The following DGKK variants were observed in gnomAD, a reference collection of about 807,000 sequenced individuals.
DGKK encodes 142 kDa diacylglycerol kinase.
A neutral mutation model predicts 92.2 loss-of-function variants in DGKK; 35 were observed. The ratio of observed to expected loss-of-function variants is 0.38; its 90% confidence interval spans 0.29 to 0.50. The LOEUF is 0.50. Ranked by LOEUF, DGKK falls within the 20% of genes least tolerant of loss-of-function variation. The probability of loss-of-function intolerance (pLI) is 0.92; values close to 1 mark genes in which losing one functional copy is unlikely to be tolerated. For missense variants in DGKK, 910 were observed against 992.2 expected (o/e 0.92, Z 1.11); for synonymous variants, 368 against 360.6 (o/e 1.02, Z -0.23).
intron 4 of DGKK, among the ~76,000 whole-genome samples, chrX:50,405,348 A>G (rs1925123570): frequency 3.6e-5 from 4 of 111,568 alleles, no homozygotes; most frequent in African/African-American, 1.3e-4. Flanking sequence ...GGACTCTTAC[A>G]CCTTTTCACT....
chrX:50,386,894 A>C (rs964150232), intron 14 of DGKK, among the ~76,000 whole-genome samples: 30 of 111,701 alleles, frequency 2.7e-4, no homozygotes, highest in African/African-American at 9.4e-4. Context: ...AATGTATAAC[A>C]TGCAAACTTG....
intron 4 of DGKK, among the ~76,000 whole-genome samples, chrX:50,405,132 C>G (rs973776707): frequency 7.1e-5 from 8 of 112,334 alleles, no homozygotes; most frequent in Non-Finnish European, 1.5e-4. Context: ...GACACAACCC[C>G]TGCCTACATG....
Position 50,380,096 on chromosome X carries a change from T to C in DGKK, c.2658-19A>G. On this transcript the variant is annotated intron_variant, in intron 18 of 27. Coordinates refer to ENST00000611977, the MANE Select transcript of DGKK (RefSeq NM_001013742.4). ...GCGGCTACTACATGGAGGTAAGCAT[T>C]AAGAAAGCAGAGGGTGAATGATATA... is the stretch of plus-strand genomic sequence containing the variant. The C allele has an allele frequency of 1.8e-6, 2 of 1,142,467 alleles. No homozygotes were observed. The highest frequency in any genetic ancestry group is 1.8e-5 in the South Asian group (1 of 54,905). The allele number at this position is 1,142,467 out of a possible 1,213,427, so 94.2% of individuals were successfully genotyped here.
chrX:50,408,072 A>G (rs1487542875), intron 4 of DGKK, among the ~76,000 whole-genome samples: 2 of 112,886 alleles, frequency 1.8e-5, no homozygotes, highest in African/African-American at 6.4e-5. Context: ...AGAGAGGCTC[A>G]GAGGCCAGAG....
At chrX:50,431,548 C>T (rs142978178) in intron 1 of DGKK, among the ~76,000 whole-genome samples, 38 of 111,308 alleles carry the variant, frequency 3.4e-4, no homozygotes, top group Non-Finnish European at 5.7e-4. Flanking sequence ...AGTAAGCTAT[C>T]ATTCCCAGGT....
chrX:50,427,418 T>C (rs1443357979), intron 1 of DGKK, among the ~76,000 whole-genome samples: 1 of 110,170 alleles, frequency 9.1e-6, no homozygotes, highest in Non-Finnish European at 1.9e-5. Flanking sequence ...CCCTGTATGA[T>C]ACTGTAATGG....
At chrX:50,393,110 C>T in intron 9 of DGKK, 42 bp downstream of exon 9, 2 of 1,082,868 alleles carry the variant, frequency 1.8e-6, no homozygotes, top group Non-Finnish European at 2.5e-6. Flanking sequence ...AGAAGGAAGA[C>T]TCCCTTACAT....
chrX:50,470,494 G>A lies in DGKK; in HGVS notation c.185C>T (p.Ala62Val), dbSNP rs782559186. The A allele has an allele frequency of 5.8e-6, 7 of 1,212,378 alleles. No homozygotes were observed. The highest frequency in any genetic ancestry group is 7.8e-6 in the Non-Finnish European group (7 of 895,595). ...EPIPEPCPEL[A>V]PGPCPEATSE... ...GGTCGCCTCTGGACAGGGACCTGGA[G>A]CAAGCTCTGGACAGGGCTCTGGTAT... Residue 62 changes from alanine to valine, a missense_variant, in exon 1 of 28, where the codon GCT becomes GTT. Ala to Val is a moderately conservative substitution (Grantham distance 64). Coordinates refer to ENST00000611977, the MANE Select transcript of DGKK (RefSeq NM_001013742.4).
intron 4 of DGKK, among the ~76,000 whole-genome samples, chrX:50,415,991 A>G (rs1250352855): frequency 8.9e-6 from 1 of 111,961 alleles, no homozygotes; most frequent in Admixed American, 9.5e-5. Context: ...CAATGCACTG[A>G]ATGCATGCTC....
At position 50,382,543 on chromosome X, in the gene DGKK, A is replaced by G. The variant is rs1557224553; in HGVS notation, c.2610T>C (p.Ile870=). 17 of 1,210,597 alleles carry G rather than the reference A, an allele frequency of 1.4e-5. No individual in the cohort carries two copies. The highest frequency in any genetic ancestry group is 1.8e-5 in the Non-Finnish European group (16 of 894,757). Residue 870 remains isoleucine (I), a synonymous_variant, in exon 18 of 28, where the codon ATT becomes ATC. Transcript: ENST00000611977. The part of the protein sequence containing the change: ...NYFGIGLDAK[I]SLDFNTRRDE... ...CTCTTCTGGTGTTGAAGTCCAGAGA[A>G]ATTTTAGCATCCAGTCCAATTCCGA...
At chrX:50,389,346 C>T (rs1924627546) in intron 12 of DGKK, among the ~76,000 whole-genome samples, 1 of 112,221 alleles carries the variant, frequency 8.9e-6, no homozygotes, top group Non-Finnish European at 1.9e-5. Flanking sequence ...CTTCACCAGT[C>T]CAAATCACCA....
Position 50,376,849 on chromosome X carries a change from G to T in DGKK, c.3181C>A (p.Leu1061Met). 8.3e-7 allele frequency: 1 copy of T among 1,209,128 alleles called. No homozygotes were observed. The highest frequency in any genetic ancestry group is 1.1e-6 in the Non-Finnish European group (1 of 894,038). The change falls in exon 23 of 28, where the codon CTG (leucine) becomes ATG (methionine). Residue 1061 changes from leucine (L) to methionine (M), a missense_variant. Coordinates refer to ENST00000611977, the MANE Select transcript of DGKK (RefSeq NM_001013742.4). ...CTCTCTTGAGAGTCCTGGAAGTCCA[G>T]CTGGGGTTGAGGGGCAGCTTGAATT... ...TEIQAAPQPQ[L>M]DFQDSQESLS... is the part of the protein sequence containing the mutation.
chrX:50,382,457 G>A (rs782726582), intron 18 of DGKK, 39 bp downstream of exon 18: 2 of 972,326 alleles, frequency 2.1e-6, no homozygotes, highest in African/African-American at 1.9e-5. Context: ...TATTGTGATA[G>A]TGTGTTTGCA....
intron 4 of DGKK, 70 bp downstream of exon 4, chrX:50,420,333 G>T (rs1234258344): frequency 3.4e-5 from 33 of 965,475 alleles, no homozygotes; most frequent in East Asian, 9.3e-5. Flanking sequence ...CTGCTCTAAA[G>T]GTGGCTTAAC....
intron 4 of DGKK, among the ~76,000 whole-genome samples, chrX:50,412,990 G>A (rs1353523084): frequency 9.0e-6 from 1 of 110,748 alleles, no homozygotes; most frequent in African/African-American, 3.3e-5. Context: ...TCATAGGAGT[G>A]AGAATCCTAT....
In DGKK at chrX:50,401,051, T is replaced by A; in HGVS notation, c.1397A>T (p.Asp466Val). Reference sequence around the variant, plus strand: ...TAACTACTCACCATCGCCTTTGGGGTCGCTTAGAGCAGTGGGAGGAATGAC... The same window carrying A: ...TAACTACTCACCATCGCCTTTGGGGACGCTTAGAGCAGTGGGAGGAATGAC... ...SSVIPPTALS[D>V]PKGDGQLVVS... Residue 466 changes from aspartate to valine, a missense_variant, in exon 8 of 28, where the codon GAC becomes GTC. Asp to Val is a radical substitution (Grantham distance 152). Transcript: ENST00000611977. The A allele has an allele frequency of 1.7e-6, 2 of 1,198,224 alleles. No homozygotes were observed. The highest frequency in any genetic ancestry group is 2.3e-6 in the Non-Finnish European group (2 of 888,535).
intron 8 of DGKK, among the ~76,000 whole-genome samples, chrX:50,393,897 C>T (rs1166787617): frequency 1.8e-5 from 2 of 112,399 alleles, no homozygotes. Context: ...GCTTTAATCA[C>T]TTCTCTAAGG....
At chrX:50,462,882 CTTTTTTTTTTTTTTTTTTTTTT>C (rs548003185) in intron 1 of DGKK, among the ~76,000 whole-genome samples, 1 of 15,766 alleles carries the variant, frequency 6.3e-5, no homozygotes, top group Non-Finnish European at 1.8e-4. Context: ...CCTTTCCTTG[CTTTTTTTTTTTTTTTTTTTTTT>C]TTTTTTTTTT....
At chrX:50,369,864 T>A (rs1557222941) in intron 27 of DGKK, among the ~76,000 whole-genome samples, 2 of 111,437 alleles carry the variant, frequency 1.8e-5, no homozygotes, top group African/African-American at 6.5e-5. Context: ...TCCTTTTTTT[T>A]CCATGTCCAC....
Sources: gnomAD v4.1 joint callset for allele counts (sites outside exome capture counted in the v4.1 genomes callset) on GRCh38, gnomAD v4.1.1 for gene constraint, MANE v1.5 for transcripts, NCBI Gene and HGNC (gene_info 2026-07-23, HGNC 2026-07-21) for gene names.